NOTCH1: variants seen among roughly 807,000 people sequenced by gnomAD.
NOTCH1 encodes neurogenic locus notch homolog protein 1.
In NOTCH1, 37 loss-of-function variants were observed where a neutral mutation model predicts 254.8. The ratio of observed to expected loss-of-function variants is 0.15; its 90% CI spans 0.11 to 0.19. The LOEUF (loss-of-function observed/expected upper bound fraction) is 0.19. Ranked by LOEUF, NOTCH1 falls within the 10% of genes least tolerant of loss-of-function variation. The probability of loss-of-function intolerance (pLI) is 1.00; values close to 1 mark genes in which losing one functional copy is unlikely to be tolerated. For synonymous variants in NOTCH1, 1,731 were observed against 1,618.1 expected, an observed-to-expected ratio of 1.07 and a Z score of -1.68; for missense variants, 2,972 against 3,708.6, an observed-to-expected ratio of 0.80 and a Z score of 5.16.
At position 136,515,386 on chromosome 9, in the gene NOTCH1, T is replaced by C. The variant is rs1307313338; in HGVS notation, c.1918A>G (p.Ile640Val). 2.2e-5 allele frequency: 36 copies of C among 1,612,786 alleles called. No homozygotes were observed. The highest frequency in any genetic ancestry group is 3.0e-5 in the Non-Finnish European group (35 of 1,179,958). ...CTGCTGGCACAGTCATCCAGGTTGA[T>C]CTCGCAGTTGGGTCCTGAAGGGGTG... ...LKGTTGPNCE[I>V]NLDDCASSPC... is the part of the protein sequence containing the mutation. Residue 640 changes from isoleucine (I) to valine (V), a missense_variant, in exon 12 of 34, where the codon ATC becomes GTC. By Grantham distance (29) the Ile-to-Val change is conservative (BLOSUM62 3). This residue lies in a region of NOTCH1 where 1,343 missense variants were observed against 1,557.0 expected (regional missense o/e 0.86). Transcript: ENST00000651671.
chr9:136,518,034 C>T, intron 7 of NOTCH1, 97 bp from the exon 8 acceptor site: 1 of 1,560,308 alleles, frequency 6.4e-7, no homozygotes, highest in Non-Finnish European at 8.6e-7. Context: ...GGGTCCCATC[C>T]CCCATCTAAC....
chr9:136,517,687 G>A lies in NOTCH1; in HGVS notation c.1441+65C>T, dbSNP rs1008347352. On this transcript the variant is annotated intron_variant, in intron 8 of 33. Transcript: ENST00000651671. ...GCGGAAGCAACCCACAGATGTTCCC[G>A]GGGCTGCCCCTCCAAGGCTGCCCAG... The A allele has an allele frequency of 6.6e-5, 104 of 1,581,900 alleles. 2 individuals carry two copies. The highest frequency in any genetic ancestry group is 6.1e-4 in the South Asian group (55 of 90,354).
At chr9:136,523,567 G>T in intron 3 of NOTCH1, 150 bp downstream of exon 3, 2 of 1,001,162 alleles carry the variant, frequency 2.0e-6, no homozygotes, top group South Asian at 1.6e-5. Context: ...TTCCAGGTCT[G>T]GGAGGGGGGC....
chr9:136,498,018 C>T (rs1249677338), intron 33 of NOTCH1, among the ~76,000 whole-genome samples: 1 of 152,158 alleles, frequency 6.6e-6, no homozygotes, highest in African/African-American at 2.4e-5. Context: ...CTCCTCTGTG[C>T]GGTGGACACG....
intron 2 of NOTCH1, among the ~76,000 whole-genome samples, chr9:136,539,064 T>A (rs919770754): frequency 4.6e-5 from 7 of 152,220 alleles, no homozygotes; most frequent in African/African-American, 1.7e-4. Flanking sequence ...CTGTGGGGTC[T>A]CCAGTTTGCC....
At chr9:136,512,580 G>A (rs3812607) in intron 15 of NOTCH1, among the ~76,000 whole-genome samples, 1 of 152,132 alleles carries the variant, frequency 6.6e-6, no homozygotes, top group East Asian at 1.9e-4. Flanking sequence ...CCTCAGGTCC[G>A]GCTGGCGGGG....
intron 19 of NOTCH1, 54 bp downstream of exon 19, chr9:136,508,816 T>A (rs3125000): frequency 1.3e-6 from 2 of 1,493,010 alleles, no homozygotes; most frequent in African/African-American, 2.8e-5. Context: ...CTCCCGCAGG[T>A]AGGCACCCAC....
chr9:136,505,985 C>G, intron 24 of NOTCH1, 104 bp from the exon 25 acceptor site: 1 of 1,039,084 alleles, frequency 9.6e-7, no homozygotes, highest in Non-Finnish European at 1.4e-6. Context: ...TCTCCTCTAA[C>G]CTGGGAGGCG....
chr9:136,503,514 C>T (rs1344464128), intron 26 of NOTCH1, among the ~76,000 whole-genome samples, 184 bp from the exon 27 acceptor site: 2 of 152,174 alleles, frequency 1.3e-5, no homozygotes, highest in Non-Finnish European at 2.9e-5. Context: ...TGCCAGCCCC[C>T]CGACTCCGGC....
chr9:136,508,299 G>A lies in NOTCH1; in HGVS notation c.3258C>T (p.Pro1086=), dbSNP rs1417027472. The A allele has an allele frequency of 1.2e-6, 2 of 1,612,856 alleles. No homozygotes were observed. Among genetic ancestry groups the A allele is most frequent in the Non-Finnish European group, 1.7e-6 (2 of 1,180,020 alleles). Reference sequence around the variant, plus strand: ...CGCAGTAAAGGCCGGTCCAGCCGCTGGGGCACTCGCAGCGGTACTGGGTGT... The same window carrying A: ...CGCAGTAAAGGCCGGTCCAGCCGCTAGGGCACTCGCAGCGGTACTGGGTGT... The part of the protein sequence containing the change: ...QTHTQYRCEC[P]SGWTGLYCDV... Residue 1086 remains proline (P), a synonymous_variant, in exon 20 of 34, where the codon CCC becomes CCT. Transcript: ENST00000651671.
In NOTCH1 at chr9:136,497,141, C is replaced by A; in HGVS notation, c.6598G>T (p.Val2200Leu). Reference protein sequence around the residue: ...LLDSSGMLSPVDSLESPHGYL... With the variant: ...LLDSSGMLSPLDSLESPHGYL... Reference sequence around the variant, plus strand: ...CCATGGGGTGACTCCAGGGAGTCCACGGGCGAGAGCATGCCGGAGCTGTCC... The same window carrying A: ...CCATGGGGTGACTCCAGGGAGTCCAAGGGCGAGAGCATGCCGGAGCTGTCC... The change falls in exon 34 of 34, where the codon GTG becomes TTG. Residue 2200 changes from valine (V) to leucine (L), a missense_variant. By Grantham distance (32) the Val-to-Leu change is conservative (BLOSUM62 1). Coordinates refer to ENST00000651671, the MANE Select transcript of NOTCH1 (RefSeq NM_017617.5). 1 of 1,612,636 alleles carries A rather than the reference C, an allele frequency of 6.2e-7. No homozygotes were observed. Among genetic ancestry groups the A allele is most frequent in the Non-Finnish European group, 8.5e-7 (1 of 1,179,916 alleles).
chr9:136,535,674 G>A (rs1843639956), intron 2 of NOTCH1, among the ~76,000 whole-genome samples: 1 of 65,954 alleles, frequency 1.5e-5, no homozygotes, highest in Non-Finnish European at 2.9e-5. Flanking sequence ...GGGTGGGTCG[G>A]GGGGAGCACT....
In NOTCH1 at chr9:136,540,875, G is replaced by A. The variant is rs1475876544; in HGVS notation, c.140+3149C>T. On this transcript the variant is annotated intron_variant, in intron 2 of 33. Coordinates refer to ENST00000651671, the MANE Select transcript of NOTCH1 (RefSeq NM_017617.5). This position sits in a 1 kb window ranked among gnomAD's most constrained non-coding sequence, Gnocchi z 4.4. ...CATCTTAGCTGCCCCCTGCCTCAAC[G>A]CCCAGCCCAGACGCAGGCAGCCCTG... 3.3e-5 allele frequency among the ~76,000 whole-genome samples: 5 copies of A among 152,094 alleles called. No homozygotes were observed. The highest frequency in any genetic ancestry group is 1.9e-4 in the East Asian group (1 of 5,192).
At chr9:136,509,694 G>T (rs376527097) in intron 18 of NOTCH1, 39 bp downstream of exon 18, 65 of 1,585,132 alleles carry the variant, frequency 4.1e-5, no homozygotes, top group Non-Finnish European at 5.5e-5. Flanking sequence ...GGCCCGCACC[G>T]CCCGTTCCCT....
intron 31 of NOTCH1, among the ~76,000 whole-genome samples, chr9:136,499,555 C>T (rs1842965471): frequency 6.6e-6 from 1 of 152,220 alleles, no homozygotes; most frequent in Admixed American, 6.5e-5. Context: ...TGACCACCTA[C>T]AAAACAGAGA....
At chr9:136,520,011 G>A (rs1300699828) in intron 4 of NOTCH1, among the ~76,000 whole-genome samples, 5 of 152,040 alleles carry the variant, frequency 3.3e-5, no homozygotes, top group Non-Finnish European at 5.9e-5. Flanking sequence ...TGGGCCCCTC[G>A]CAGCCCCAGG....
At chr9:136,514,737 C>A (rs756310891) in intron 12 of NOTCH1, 35 bp from the exon 13 acceptor site, 3 of 1,599,614 alleles carry the variant, frequency 1.9e-6, no homozygotes, top group South Asian at 1.1e-5. Flanking sequence ...CGAGGCCCAG[C>A]GCCCAGGGGG....
chr9:136,535,919 G>A (rs1170054545), intron 2 of NOTCH1, among the ~76,000 whole-genome samples: 4 of 130,974 alleles, frequency 3.1e-5, no homozygotes, highest in Non-Finnish European at 6.5e-5. Context: ...TCCCTCCCGG[G>A]GCAATGAGTG....
intron 29 of NOTCH1, 37 bp downstream of exon 29, chr9:136,501,964 C>G (rs1843003912): frequency 6.2e-7 from 1 of 1,611,458 alleles, no homozygotes; most frequent in Non-Finnish European, 8.5e-7. Flanking sequence ...GCAGCAGGTG[C>G]CCGGGAGCCC....
Sources: allele counts gnomAD v4.1 joint callset (sites outside exome capture counted in the v4.1 genomes callset), GRCh38; gene constraint gnomAD v4.1.1; regional missense constraint gnomAD v4.1.1; non-coding constraint Gnocchi (gnomAD v3.1); transcripts MANE v1.5; gene names NCBI Gene and HGNC (gene_info 2026-07-23, HGNC 2026-07-21).